Variants in FHL2 observed in about 807,000 individuals in gnomAD.
The protein encoded by FHL2 is four and a half LIM domains 2.
A neutral mutation model predicts 32.7 loss-of-function variants in FHL2; 20 were observed. The ratio of observed to expected loss-of-function variants is 0.61; its 90% CI spans 0.43 to 0.89. FHL2 has a LOEUF of 0.89. Among genes scored for constraint, FHL2 ranks in the 40% least tolerant of loss-of-function variants. FHL2 has a pLI of 0.00. For synonymous variants in FHL2, 123 were observed against 128.1 expected (o/e 0.96, Z 0.27); for missense variants, 311 against 358.6 (o/e 0.87, Z 1.07).
At chr2:105,429,746 C>A (rs1684372189) in intron 1 of FHL2, among the ~76,000 whole-genome samples, 1 of 152,280 alleles carries the variant, frequency 6.6e-6, no homozygotes, top group Admixed American at 6.5e-5. Flanking sequence ...AACTATAGCT[C>A]CTTAGTTCAG....
rs776981929 is a variant in FHL2, at chr2:105,373,549, G to A, written c.331+10C>T. 1 of 1,614,124 alleles carries A rather than the reference G, an allele frequency of 6.2e-7. No individual in the cohort carries two copies. The highest frequency in any genetic ancestry group is 1.7e-5 in the Admixed American group (1 of 60,030). On this transcript the variant is annotated intron_variant, in intron 4 of 6. Coordinates refer to ENST00000530340, the MANE Select transcript of FHL2 (RefSeq NM_001318895.3). ...ACTGGCTCACGCATGAGAAAGGAGT[G>A]CCTCCTGACCTGGCATGATGGTCTT...
At chr2:105,393,424 A>C (rs1172340167) in intron 2 of FHL2, among the ~76,000 whole-genome samples, 1 of 152,208 alleles carries the variant, frequency 6.6e-6, no homozygotes, top group Non-Finnish European at 1.5e-5. Flanking sequence ...TCAATTACTT[A>C]TCAATAATCA....
At position 105,367,786 on chromosome 2, in the gene FHL2, G is replaced by C. The variant is rs532164220; in HGVS notation, c.332-47C>G. The C allele has an allele frequency of 8.3e-6, 13 of 1,565,106 alleles. No homozygotes were observed. The African/African-American group carries it at 1.6e-4, about 20-fold the overall frequency. ...ACACAGCAGAGTTATGGTTAGAGGG[G>C]TGTGGAGTCCCAGCAATCTGCCTTC... On this transcript the variant is annotated intron_variant, in intron 4 of 6. Transcript: ENST00000530340.
At chr2:105,422,368 C>T (rs1422939807) in intron 1 of FHL2, among the ~76,000 whole-genome samples, 3 of 152,086 alleles carry the variant, frequency 2.0e-5, no homozygotes, top group African/African-American at 7.2e-5. Context: ...TGCAGGGGCC[C>T]TATGTGGATG....
intron 6 of FHL2, among the ~76,000 whole-genome samples, chr2:105,362,049 AACC>A (rs1376238466): frequency 6.6e-6 from 1 of 152,232 alleles, no homozygotes; most frequent in Non-Finnish European, 1.5e-5. Context: ...GTGCCACAAT[AACC>A]ACAATTCACA....
intron 2 of FHL2, among the ~76,000 whole-genome samples, chr2:105,396,119 A>C (rs976607570): frequency 4.6e-5 from 7 of 152,252 alleles, no homozygotes; most frequent in African/African-American, 1.7e-4. Flanking sequence ...GAGCTGTAAT[A>C]GTCAGGGTTT....
intron 1 of FHL2, among the ~76,000 whole-genome samples, chr2:105,412,562 G>GT (rs1683824442): frequency 6.6e-6 from 1 of 152,202 alleles, no homozygotes; most frequent in South Asian, 2.1e-4. Context: ...CAAATGGTAG[G>GT]TAAAAACCAG....
At chr2:105,433,078 T>C (rs138666014) in intron 1 of FHL2, among the ~76,000 whole-genome samples, 28 of 152,268 alleles carry the variant, frequency 1.8e-4, no homozygotes, top group African/African-American at 6.7e-4. Flanking sequence ...TTAACTAGGA[T>C]GGATGAATAC....
intron 1 of FHL2, among the ~76,000 whole-genome samples, chr2:105,414,781 G>A (rs1683888256): frequency 6.6e-6 from 1 of 152,194 alleles, no homozygotes; most frequent in Non-Finnish European, 1.5e-5. Context: ...TCCAATTTCT[G>A]GCTTCAAGTG....
upstream of FHL2, chr2:105,399,064 A>T (rs1479559077): frequency 6.7e-7 from 1 of 1,493,326 alleles, no homozygotes; most frequent in Non-Finnish European, 8.9e-7. Flanking sequence ...AGCGCTGCGC[A>T]GCTCCCGCCC....
intron 5 of FHL2, among the ~76,000 whole-genome samples, chr2:105,363,967 T>G (rs1680462175): frequency 6.6e-6 from 1 of 152,052 alleles, no homozygotes; most frequent in African/African-American, 2.4e-5. Flanking sequence ...AGTCCTTACT[T>G]AGAAGCCTGG....
At chr2:105,377,103 G>A (rs538129279) in intron 3 of FHL2, among the ~76,000 whole-genome samples, 16 of 152,308 alleles carry the variant, frequency 1.1e-4, no homozygotes, top group South Asian at 6.2e-4. Flanking sequence ...AGACCTTGGC[G>A]ATGATCTTGA....
intron 3 of FHL2, among the ~76,000 whole-genome samples, chr2:105,381,592 G>T (rs546437884): frequency 6.6e-6 from 1 of 152,114 alleles, no homozygotes; most frequent in African/African-American, 2.4e-5. Flanking sequence ...GGCCAAGTTC[G>T]TGCACTGACA....
At chr2:105,391,438 A>G (rs977080044) in intron 2 of FHL2, among the ~76,000 whole-genome samples, 8 of 152,096 alleles carry the variant, frequency 5.3e-5, no homozygotes, top group Admixed American at 2.0e-4. Context: ...CAGCCAGGTG[A>G]TATGGCAGGT....
At chr2:105,410,512 G>A (rs1475276067) in intron 1 of FHL2, among the ~76,000 whole-genome samples, 2 of 152,118 alleles carry the variant, frequency 1.3e-5, no homozygotes, top group African/African-American at 2.4e-5. Flanking sequence ...GATATCACTC[G>A]AATGGTGCTA....
At chr2:105,399,289 GTC>G, upstream of FHL2, 1 of 1,535,840 alleles carries the variant, frequency 6.5e-7, no homozygotes. Flanking sequence ...TATCGGGAGC[GTC>G]GCCTCCGGCG....
chr2:105,437,547 T>C (rs2104691835), intron 1 of FHL2, among the ~76,000 whole-genome samples: 1 of 152,348 alleles, frequency 6.6e-6, no homozygotes, highest in Admixed American at 6.5e-5. Flanking sequence ...ATAGCATTAA[T>C]CTGTAAGGCA....
intron 1 of FHL2, among the ~76,000 whole-genome samples, chr2:105,433,743 G>A (rs1457906215): frequency 2.0e-5 from 3 of 152,092 alleles, no homozygotes; most frequent in Admixed American, 6.5e-5. Context: ...GCACTCGAAC[G>A]CCAACAACTA....
chr2:105,363,164 G>C, intron 6 of FHL2, 121 bp downstream of exon 6: 1 of 888,466 alleles, frequency 1.1e-6, no homozygotes, highest in South Asian at 1.7e-5. Context: ...AAAGTCTGCT[G>C]TGTTCAGAGC....
Sources: gnomAD v4.1 joint callset for allele counts (sites outside exome capture counted in the v4.1 genomes callset) on GRCh38, gnomAD v4.1.1 for gene constraint, MANE v1.5 for transcripts, NCBI Gene and HGNC (gene_info 2026-07-23, HGNC 2026-07-21) for gene names.